MB21D2: variants seen among roughly 807,000 people sequenced by gnomAD.
MB21D2 encodes Mab-21 domain containing 2, also known as nucleotidyltransferase MB21D2.
In MB21D2, 9 loss-of-function variants were observed where a neutral mutation model predicts 33.3. The observed-to-expected ratio is 0.27, with a 90% CI of 0.16 to 0.47. The LOEUF (loss-of-function observed/expected upper bound fraction) is 0.47, where lower values mean the gene tolerates loss of function less well. MB21D2 is among the 20% of genes least tolerant of loss of function. The pLI is 0.99. For missense variants in MB21D2, 540 were observed against 624.6 expected (o/e 0.86, Z 1.44); for synonymous variants, 241 against 236.3 (o/e 1.02, Z -0.18).
chr3:192,877,277 A>T (rs77901130), intron 1 of MB21D2, among the ~76,000 whole-genome samples: 1,770 of 152,282 alleles, frequency 0.012, 36 homozygotes, highest in African/African-American at 0.041. Flanking sequence ...TACCCTCTCA[A>T]ATCATTCAAG....
At chr3:192,828,082 T>A (rs997486227) in intron 1 of MB21D2, among the ~76,000 whole-genome samples, 1 of 152,106 alleles carries the variant, frequency 6.6e-6, no homozygotes, top group African/African-American at 2.4e-5. Flanking sequence ...TTCCGCCATG[T>A]TTGTGAGGCC....
At chr3:192,894,253 G>C (rs142815902) in intron 1 of MB21D2, among the ~76,000 whole-genome samples, 4,263 of 151,662 alleles carry the variant, frequency 0.028, 81 homozygotes, top group Middle Eastern at 0.058. Flanking sequence ...CTCAGCCTCA[G>C]GAGTAGCTGG....
chr3:192,855,639 A>G (rs565908655), intron 1 of MB21D2, among the ~76,000 whole-genome samples: 20 of 152,334 alleles, frequency 1.3e-4, no homozygotes, highest in African/African-American at 4.8e-4. Context: ...GAGTCAAAAC[A>G]CAGAAGTGCC....
chr3:192,869,299 G>GAGGAGGGAAGGAGGGA (rs796985331), intron 1 of MB21D2, among the ~76,000 whole-genome samples: 2 of 116,458 alleles, frequency 1.7e-5, no homozygotes, highest in African/African-American at 6.3e-5. Context: ...GGGAGGAGGG[G>GAGGAGGGAAGGAGGGA]AGGAGGGAAG....
intron 1 of MB21D2, among the ~76,000 whole-genome samples, chr3:192,808,997 C>A (rs1416879012): frequency 6.6e-6 from 1 of 152,264 alleles, no homozygotes; most frequent in Admixed American, 6.5e-5. Flanking sequence ...GAGAAGGGCA[C>A]AAACATTCAT....
intron 1 of MB21D2, among the ~76,000 whole-genome samples, chr3:192,908,667 C>T (rs1310055116): frequency 4.6e-5 from 7 of 151,728 alleles, no homozygotes; most frequent in African/African-American, 1.5e-4. Flanking sequence ...ATCCGCCCTC[C>T]TCGGCCTCCC....
chr3:192,820,604 A>T (rs1302331184), intron 1 of MB21D2, among the ~76,000 whole-genome samples: 2 of 152,260 alleles, frequency 1.3e-5, no homozygotes, highest in Non-Finnish European at 2.9e-5. Context: ...GCGTCTGCGT[A>T]GCGGCCACTC....
Position 192,914,228 on chromosome 3 carries a change from A to G in MB21D2, c.211+3402T>C, listed in dbSNP as rs116671318. Among the ~76,000 whole-genome samples the G allele has an allele frequency of 2.9e-3, 440 of 152,302 alleles. 4 individuals carry two copies. Among genetic ancestry groups the G allele is most frequent in the African/African-American group, 0.01 (422 of 41,562 alleles). ...ACTTTCTTCACCCCACTAAATTTCA[A>G]TATCTTCATCTATGTAATGGGAAAG... On this transcript the variant is annotated intron_variant, in intron 1 of 1. Transcript: ENST00000392452.
At chr3:192,842,410 T>C (rs1712593744) in intron 1 of MB21D2, among the ~76,000 whole-genome samples, 1 of 152,224 alleles carries the variant, frequency 6.6e-6, no homozygotes, top group Non-Finnish European at 1.5e-5. Context: ...CATTCATGCA[T>C]ATAACATGCT....
intron 1 of MB21D2, among the ~76,000 whole-genome samples, chr3:192,857,751 G>A (rs1358645357): frequency 6.6e-6 from 1 of 152,148 alleles, no homozygotes; most frequent in Non-Finnish European, 1.5e-5. Flanking sequence ...TCTCATCTGT[G>A]ACATGGGACA....
At chr3:192,913,223 C>T (rs1357016954) in intron 1 of MB21D2, among the ~76,000 whole-genome samples, 1 of 151,950 alleles carries the variant, frequency 6.6e-6, no homozygotes, top group Non-Finnish European at 1.5e-5. Flanking sequence ...TGGCGAAACC[C>T]TGTCTCTACC....
At chr3:192,881,084 G>T (rs934527269) in intron 1 of MB21D2, among the ~76,000 whole-genome samples, 5 of 151,974 alleles carry the variant, frequency 3.3e-5, no homozygotes, top group Admixed American at 6.5e-5. Context: ...TTATCTCTAG[G>T]TGCTATGATT....
At chr3:192,839,797 A>C (rs1425648333) in intron 1 of MB21D2, among the ~76,000 whole-genome samples, 1 of 152,224 alleles carries the variant, frequency 6.6e-6, no homozygotes, top group Non-Finnish European at 1.5e-5. Flanking sequence ...TACAGAAAAC[A>C]ACCTTCTAAC....
At position 192,886,373 on chromosome 3, in the gene MB21D2, C is replaced by T. The variant is rs571880598; in HGVS notation, c.211+31257G>A. 4.2e-4 allele frequency among the ~76,000 whole-genome samples: 64 copies of T among 152,206 alleles called. 1 individual carries two copies. The highest frequency in any genetic ancestry group is 1.4e-3 in the African/African-American group (60 of 41,460). On this transcript the variant is annotated intron_variant, in intron 1 of 1. Coordinates refer to ENST00000392452, the MANE Select transcript of MB21D2 (RefSeq NM_178496.4). ...TGAGTTTACAAAATATTTTCACGTA[C>T]GTTGACTAGTTTTCTTAAGGTATTT...
chr3:192,908,983 C>T (rs1241351655), intron 1 of MB21D2, among the ~76,000 whole-genome samples: 2 of 151,756 alleles, frequency 1.3e-5, no homozygotes, highest in Non-Finnish European at 1.5e-5. Context: ...CGGCCGGGCA[C>T]GGTGGCTCAC....
chr3:192,848,601 T>C (rs1289108506), intron 1 of MB21D2, among the ~76,000 whole-genome samples: 2 of 152,212 alleles, frequency 1.3e-5, no homozygotes, highest in East Asian at 1.9e-4. Context: ...ACTAACAGTA[T>C]ACTACTGGTC....
chr3:192,829,804 G>A (rs113437120), intron 1 of MB21D2, among the ~76,000 whole-genome samples: 34 of 152,270 alleles, frequency 2.2e-4, no homozygotes, highest in African/African-American at 7.7e-4. Context: ...ACAGCTCACT[G>A]CAGCTTCAAC....
chr3:192,885,894 A>C (rs1043049900), intron 1 of MB21D2, among the ~76,000 whole-genome samples: 1 of 152,148 alleles, frequency 6.6e-6, no homozygotes, highest in Non-Finnish European at 1.5e-5. Context: ...AATCCCACAC[A>C]CATCACAAAT....
In MB21D2 at chr3:192,799,792, C is replaced by T; in HGVS notation, c.212-142G>A. 1 of 870,864 alleles carries T rather than the reference C, an allele frequency of 1.1e-6. No homozygotes were observed. The highest frequency in any genetic ancestry group is 2.7e-5 in the East Asian group (1 of 37,520). 53.9% of individuals were successfully genotyped at this position (870,864 alleles called of 1,614,324 possible). A position where few individuals can be genotyped will look rare whatever the true frequency, so the allele number is the denominator to read the frequency against. ...TCAAATCTCAGGCTGCTGCAGAGACCTGGCCAACAGTACTTTCTCACTAGT... is the reference window on the plus strand; with the variant it reads ...TCAAATCTCAGGCTGCTGCAGAGACTTGGCCAACAGTACTTTCTCACTAGT... On this transcript the variant is annotated intron_variant, in intron 1 of 1. Transcript: ENST00000392452. The surrounding 1 kb of genome is among the most constrained non-coding windows in gnomAD (Gnocchi z 4.1).
Sources: gnomAD v4.1 joint callset for allele counts (sites outside exome capture counted in the v4.1 genomes callset) on GRCh38, gnomAD v4.1.1 for gene constraint, Gnocchi (gnomAD v3.1) non-coding constraint, MANE v1.5 for transcripts, NCBI Gene and HGNC (gene_info 2026-07-23, HGNC 2026-07-21) for gene names.